Variants in RARB observed in about 807,000 individuals in gnomAD.
RARB encodes the protein retinoic acid receptor beta.
In RARB, 17 loss-of-function variants were observed where a neutral mutation model predicts 51.9. That is an observed-to-expected ratio of 0.33 (90% CI 0.22 to 0.49). The LOEUF is 0.49. Among genes scored for constraint, RARB ranks in the 20% least tolerant of loss-of-function variants. The pLI, the probability that RARB is intolerant of heterozygous loss-of-function variation, is 0.99. For synonymous variants in RARB, 215 were observed against 195.4 expected (o/e 1.10, Z -0.84); for missense variants, 369 against 550.8 (o/e 0.67, Z 3.30).
intron 5 of RARB, among the ~76,000 whole-genome samples, chr3:25,261,552 C>G (rs1442671299): frequency 6.6e-6 from 1 of 152,100 alleles, no homozygotes; most frequent in Admixed American, 6.6e-5. Flanking sequence ...GTAGAGGTTG[C>G]TCATTTCAGA....
At chr3:25,175,661 GCAAA>G (rs1700728727) in intron 5 of RARB, among the ~76,000 whole-genome samples, 1 of 152,170 alleles carries the variant, frequency 6.6e-6, no homozygotes. Context: ...TGACAGATAG[GCAAA>G]CAGATGATAG....
chr3:24,996,471 G>C (rs1575111050), intron 2 of RARB, among the ~76,000 whole-genome samples: 1 of 151,910 alleles, frequency 6.6e-6, no homozygotes, highest in East Asian at 1.9e-4. Flanking sequence ...CTTCTGTTCT[G>C]ATTTTACTAT....
At chr3:25,501,351 C>G (rs1376719329) in intron 3 of RARB, 28 bp downstream of exon 3, 3 of 1,603,878 alleles carry the variant, frequency 1.9e-6, no homozygotes, top group Non-Finnish European at 8.5e-7. Context: ...AAACTTTTTC[C>G]CTGTTTTCCT....
chr3:25,391,470 C>A (rs9821864), intron 5 of RARB, among the ~76,000 whole-genome samples: 64,500 of 151,956 alleles, frequency 0.42, 14,217 homozygotes, highest in East Asian at 0.73. Context: ...GGAATCTCCA[C>A]ACTGTCTTTC....
rs78795483 is a variant in RARB, at chr3:25,292,974, A to G, written c.178+118399A>G. Reference sequence around the variant, plus strand: ...CATGATGTGTTCTCCGCGAGAGCCAAAAAGATCCTAGACACTCAGTAAAGG... The same window carrying G: ...CATGATGTGTTCTCCGCGAGAGCCAGAAAGATCCTAGACACTCAGTAAAGG... On this transcript the variant is annotated intron_variant, in intron 5 of 11. Transcript: ENST00000383772. Among the ~76,000 whole-genome samples, 572 of 152,296 alleles carry G rather than the reference A, an allele frequency of 3.8e-3. 1 individual carries two copies. Among genetic ancestry groups the G allele is most frequent in the African/African-American group, 0.013 (537 of 41,562 alleles).
At chr3:24,881,044 G>A (rs532663478) in intron 2 of RARB, among the ~76,000 whole-genome samples, 1 of 152,240 alleles carries the variant, frequency 6.6e-6, no homozygotes, top group South Asian at 2.1e-4. Flanking sequence ...TCATGGGGTT[G>A]GTTTCCCCCA....
intron 5 of RARB, among the ~76,000 whole-genome samples, chr3:25,362,510 C>T: frequency 6.6e-6 from 1 of 152,186 alleles, no homozygotes; most frequent in Non-Finnish European, 1.5e-5. Context: ...ATTCCAGGCG[C>T]CACAGGGGTA....
intron 5 of RARB, among the ~76,000 whole-genome samples, chr3:25,293,246 C>A (rs1014255294): frequency 1.2e-4 from 18 of 152,046 alleles, no homozygotes; most frequent in African/African-American, 4.3e-4. Flanking sequence ...TGTTCAAATG[C>A]CAGTTATGCC....
At chr3:25,221,396 T>A (rs144126331) in intron 5 of RARB, among the ~76,000 whole-genome samples, 63 of 152,346 alleles carry the variant, frequency 4.1e-4, no homozygotes, top group Non-Finnish European at 8.4e-4. Flanking sequence ...CATTACCACT[T>A]TTTAAAGAAA....
At chr3:24,977,021 C>T (rs1268248958) in intron 2 of RARB, among the ~76,000 whole-genome samples, 2 of 152,104 alleles carry the variant, frequency 1.3e-5, no homozygotes. Context: ...ATAGGGAATC[C>T]TTTTCCCATT....
At chr3:24,956,466 TG>T (rs1696016703) in intron 2 of RARB, among the ~76,000 whole-genome samples, 1 of 152,168 alleles carries the variant, frequency 6.6e-6, no homozygotes, top group African/African-American at 2.4e-5. Flanking sequence ...CTGGAGTTGC[TG>T]GGGCTGATTT....
At chr3:24,915,146 C>A (rs561361195) in intron 2 of RARB, among the ~76,000 whole-genome samples, 79 of 152,186 alleles carry the variant, frequency 5.2e-4, no homozygotes, top group Admixed American at 1.2e-3. Flanking sequence ...ACAAGAGATA[C>A]AAAAGTTGAA....
At chr3:25,202,645 C>T (rs539675161) in intron 5 of RARB, among the ~76,000 whole-genome samples, 24 of 152,216 alleles carry the variant, frequency 1.6e-4, no homozygotes, top group African/African-American at 5.5e-4. Context: ...TCTTTGTTCT[C>T]CTTGGTTTCA....
At chr3:24,978,018 AT>A (rs1178393872) in intron 2 of RARB, among the ~76,000 whole-genome samples, 1 of 151,772 alleles carries the variant, frequency 6.6e-6, no homozygotes, top group Admixed American at 6.6e-5. Context: ...TAATCATGTG[AT>A]TTTTGTTGGT....
intron 2 of RARB, among the ~76,000 whole-genome samples, chr3:24,874,496 G>A (rs1336104058): frequency 6.6e-6 from 1 of 152,032 alleles, no homozygotes; most frequent in Non-Finnish European, 1.5e-5. Context: ...GTACAGATAA[G>A]TTTACGTACA....
chr3:24,849,971 G>T (rs964382231), intron 1 of RARB, among the ~76,000 whole-genome samples: 1 of 152,222 alleles, frequency 6.6e-6, no homozygotes, highest in Non-Finnish European at 1.5e-5. Context: ...TGGAGACTGA[G>T]TAATTTATAA....
intron 3 of RARB, among the ~76,000 whole-genome samples, chr3:25,545,872 T>C (rs73820517): frequency 0.072 from 11,005 of 151,844 alleles, 472 homozygotes; most frequent in African/African-American, 0.12. Flanking sequence ...ATCTTTTGGG[T>C]GGGTTTGGGG....
chr3:25,594,445 G>A, intron 6 of RARB, 75 bp from the exon 7 acceptor site: 1 of 1,420,128 alleles, frequency 7.0e-7, no homozygotes, highest in Non-Finnish European at 9.4e-7. Flanking sequence ...CATAACAGTA[G>A]GAATAAGGAA....
intron 5 of RARB, among the ~76,000 whole-genome samples, chr3:25,377,747 G>A (rs566018946): frequency 9.9e-5 from 15 of 152,232 alleles, no homozygotes; most frequent in Middle Eastern, 3.4e-3. Context: ...TGAGTTACCC[G>A]TGAGAGAATT....
Sources: gnomAD v4.1 joint callset for allele counts (sites outside exome capture counted in the v4.1 genomes callset) on GRCh38, gnomAD v4.1.1 for gene constraint, MANE v1.5 for transcripts, NCBI Gene and HGNC (gene_info 2026-07-23, HGNC 2026-07-21) for gene names.